GREB1L: variants seen among roughly 807,000 people sequenced by gnomAD.
GREB1L encodes GREB1-like protein.
A neutral mutation model predicts 200.8 loss-of-function variants in GREB1L; 17 were observed. That is an observed-to-expected ratio of 0.08 (90% CI 0.06 to 0.13). The LOEUF (loss-of-function observed/expected upper bound fraction) is 0.13, where lower values mean the gene tolerates loss of function less well. Ranked by LOEUF, GREB1L falls within the 10% of genes least tolerant of loss-of-function variation. GREB1L has a pLI of 1.00. For synonymous variants in GREB1L, 789 were observed against 893.0 expected (o/e 0.88, Z 2.08); for missense variants, 1,657 against 2,367.7 (o/e 0.70, Z 6.23).
Position 21,459,679 on chromosome 18 carries a change from AT to A in GREB1L, c.2182+5117del, listed in dbSNP as rs200059381. ...AACAAAAAAAAATTTTAATAAAAAA[AT>A]AAAGACATATTTTTTTGGTCTCACC... On this transcript the variant is annotated intron_variant, in intron 15 of 32. Coordinates refer to ENST00000424526, the MANE Select transcript of GREB1L (RefSeq NM_001142966.3). Among the ~76,000 whole-genome samples the A allele has an allele frequency of 5.9e-3, 892 of 152,272 alleles. 5 individuals are homozygous for A. The highest frequency in any genetic ancestry group is 8.6e-3 in the Non-Finnish European group (584 of 68,024).
chr18:21,280,244 T>TA (rs899789972), intron 1 of GREB1L, among the ~76,000 whole-genome samples: 1 of 152,248 alleles, frequency 6.6e-6, no homozygotes, highest in Non-Finnish European at 1.5e-5. Flanking sequence ...CCATAGGTCT[T>TA]ACTGCCTCTT....
chr18:21,272,925 A>G (rs1034835408), intron 1 of GREB1L, among the ~76,000 whole-genome samples: 26 of 152,244 alleles, frequency 1.7e-4, no homozygotes, highest in African/African-American at 6.0e-4. Flanking sequence ...TAATTTTTAT[A>G]AAAATGTTTT....
chr18:21,522,962 C>A lies in GREB1L; in HGVS notation c.*141C>A. 1 of 729,448 alleles carries A rather than the reference C, an allele frequency of 1.4e-6. No individual in the cohort carries two copies. Among genetic ancestry groups the A allele is most frequent in the Non-Finnish European group, 2.1e-6 (1 of 466,212 alleles). The allele number at this position is 729,448 out of a possible 1,614,324, so 45.2% of individuals were successfully genotyped here. On this transcript the variant is annotated 3_prime_UTR_variant, in exon 33 of 33. Transcript: ENST00000424526. Reference sequence around the variant, plus strand: ...TTGTCTAAATTCTCCAAAGAACTCCCCAAATCTGATCCAGGTCTTTGGGGA... The same window carrying A: ...TTGTCTAAATTCTCCAAAGAACTCCACAAATCTGATCCAGGTCTTTGGGGA...
At chr18:21,276,117 T>C (rs981938582) in intron 1 of GREB1L, among the ~76,000 whole-genome samples, 6 of 152,324 alleles carry the variant, frequency 3.9e-5, no homozygotes, top group Admixed American at 2.0e-4. Flanking sequence ...GTCAGGTTTT[T>C]ACATGCGAAT....
chr18:21,392,152 G>T (rs2040847775), intron 4 of GREB1L, among the ~76,000 whole-genome samples: 1 of 152,192 alleles, frequency 6.6e-6, no homozygotes, highest in Non-Finnish European at 1.5e-5. Flanking sequence ...TATTCATGCT[G>T]TACAAGAAAG....
At chr18:21,360,422 C>T (rs1346231338) in intron 1 of GREB1L, among the ~76,000 whole-genome samples, 3 of 152,060 alleles carry the variant, frequency 2.0e-5, no homozygotes, top group East Asian at 1.9e-4. Flanking sequence ...GATGGCGTTT[C>T]GCCATGTTGG....
chr18:21,452,924 G>C (rs184513190), intron 14 of GREB1L, among the ~76,000 whole-genome samples: 1 of 152,318 alleles, frequency 6.6e-6, no homozygotes, highest in African/African-American at 2.4e-5. Flanking sequence ...TTATATATTA[G>C]GATTGTCTCA....
chr18:21,474,656 C>T (rs2035614739), intron 16 of GREB1L, among the ~76,000 whole-genome samples: 1 of 152,146 alleles, frequency 6.6e-6, no homozygotes, highest in African/African-American at 2.4e-5. Flanking sequence ...TGTGGGGCTC[C>T]AAGTCCCTAG....
intron 16 of GREB1L, 22 bp downstream of exon 16, chr18:21,473,233 A>G: frequency 2.1e-6 from 3 of 1,446,570 alleles, no homozygotes; most frequent in Non-Finnish European, 1.8e-6. Flanking sequence ...AGAGTGAGCA[A>G]ATGGAGTCTC....
At chr18:21,441,272 A>G (rs2033885274) in intron 9 of GREB1L, 128 bp from the exon 10 acceptor site, 2 of 801,324 alleles carry the variant, frequency 2.5e-6, no homozygotes, top group African/African-American at 3.6e-5. Flanking sequence ...CAATAAACCT[A>G]ATGAAAAACA....
chr18:21,285,522 A>C (rs2038341454), intron 1 of GREB1L, among the ~76,000 whole-genome samples: 1 of 152,234 alleles, frequency 6.6e-6, no homozygotes, highest in African/African-American at 2.4e-5. Flanking sequence ...GTGGAAAATG[A>C]GACCAATGCA....
At chr18:21,349,174 C>A (rs1031874079) in intron 1 of GREB1L, among the ~76,000 whole-genome samples, 1 of 152,168 alleles carries the variant, frequency 6.6e-6, no homozygotes, top group Admixed American at 6.5e-5. Context: ...TCTCTAATCA[C>A]GCTTTCACAC....
intron 1 of GREB1L, among the ~76,000 whole-genome samples, chr18:21,361,211 C>T (rs576417613): frequency 1.3e-5 from 2 of 152,266 alleles, no homozygotes; most frequent in East Asian, 1.9e-4. Context: ...GTTCCGATAA[C>T]GTATGTGAGA....
At chr18:21,378,326 C>T (rs1302237410) in intron 2 of GREB1L, among the ~76,000 whole-genome samples, 2 of 152,192 alleles carry the variant, frequency 1.3e-5, no homozygotes, top group Non-Finnish European at 2.9e-5. Flanking sequence ...ATAGTCAGCA[C>T]TAAATTAAGT....
intron 1 of GREB1L, among the ~76,000 whole-genome samples, chr18:21,252,025 ATAATTT>A (rs1396351520): frequency 6.6e-6 from 1 of 152,142 alleles, no homozygotes; most frequent in Non-Finnish European, 1.5e-5. Flanking sequence ...TTTATGAAAC[ATAATTT>A]TAAAGTATTT....
intron 6 of GREB1L, chr18:21,401,949 T>G (rs2041334180): frequency 1.0e-5 from 1 of 100,140 alleles, no homozygotes. Flanking sequence ...GTTTCTTAGG[T>G]GCTGAGATTT....
intron 2 of GREB1L, among the ~76,000 whole-genome samples, chr18:21,370,804 C>T (rs1055027767): frequency 7.2e-5 from 11 of 152,142 alleles, no homozygotes; most frequent in African/African-American, 2.4e-4. Flanking sequence ...TACTGCTGGG[C>T]GCAGTGGCTC....
At position 21,444,207 on chromosome 18, in the gene GREB1L, T is replaced by A. The variant is rs933611586; in HGVS notation, c.1208-17T>A. 1 of 1,540,762 alleles carries A rather than the reference T, an allele frequency of 6.5e-7. No individual in the cohort carries two copies. The highest frequency in any genetic ancestry group is 2.4e-5 in the East Asian group (1 of 40,860). On this transcript the variant is annotated splice_polypyrimidine_tract_variant and intron_variant, in intron 10 of 32. Transcript: ENST00000424526. ...AAAGAAATGTTGAACTGTACTGACC[T>A]GCTTCTATTGGGACAGGCTATGGCA...
chr18:21,429,133 TCCTTCCTTCCTTCCTCCCTTC>T lies in GREB1L; in HGVS notation c.833-10384_833-10364del, dbSNP rs1336000908. Among the ~76,000 whole-genome samples the T allele has an allele frequency of 5.3e-5, 7 of 132,730 alleles. No individual in the cohort carries two copies. The East Asian group carries it at 1.6e-3, about 30-fold the overall frequency. 87.1% of individuals were successfully genotyped at this position (132,730 alleles called of 152,430 possible). On this transcript the variant is annotated intron_variant, in intron 7 of 32. Transcript: ENST00000424526. Reference sequence around the variant, plus strand: ...TCCCTTCCTTCCTTCCTTCCTTCCTTCCTTCCTTCCTTCCTCCCTTCCCTCCCTCCCTTCCCCTCCCTTCCT... The same window carrying T: ...TCCCTTCCTTCCTTCCTTCCTTCCTTCCTCCCTCCCTTCCCCTCCCTTCCT...
Sources: allele counts gnomAD v4.1 joint callset (sites outside exome capture counted in the v4.1 genomes callset), GRCh38; gene constraint gnomAD v4.1.1; transcripts MANE v1.5; gene names NCBI Gene and HGNC (gene_info 2026-07-23, HGNC 2026-07-21).